Variants in TMEM245 observed in about 807,000 individuals in gnomAD.
TMEM245 encodes the protein protein CG-2.
In TMEM245, 69 loss-of-function variants were observed where a neutral mutation model predicts 101.2. That is an observed-to-expected ratio of 0.68 (90% CI 0.56 to 0.83). The LOEUF is 0.83. TMEM245 is among the 40% of genes least tolerant of loss of function. TMEM245 has a pLI of 0.00. For synonymous variants in TMEM245, 537 were observed against 449.8 expected (o/e 1.19, Z -2.45); for missense variants, 1,075 against 1,092.8 (o/e 0.98, Z 0.23).
In TMEM245 at chr9:109,081,012, G is replaced by A. The variant is rs1339825161; in HGVS notation, c.1345-69C>T. 6.0e-6 allele frequency: 6 copies of A among 1,005,176 alleles called. No individual in the cohort carries two copies. In the East Asian group the frequency reaches 9.7e-5, roughly 16 times the overall value. 62.3% of individuals were successfully genotyped at this position (1,005,176 alleles called of 1,614,324 possible). ...ACTTTAAAAATACATATACTCAATT[G>A]TCATAAAGACAAAACAGGATCTCCA... On this transcript the variant is annotated intron_variant, in intron 7 of 17. Transcript: ENST00000374586.
At chr9:109,043,799 T>A (rs1282898153) in intron 14 of TMEM245, among the ~76,000 whole-genome samples, 8 of 152,116 alleles carry the variant, frequency 5.3e-5, no homozygotes, top group Non-Finnish European at 2.9e-5. Context: ...ATACTATATA[T>A]AGACTATTAT....
intron 7 of TMEM245, among the ~76,000 whole-genome samples, chr9:109,082,735 T>G (rs1829703086): frequency 6.6e-6 from 1 of 152,124 alleles, no homozygotes; most frequent in Non-Finnish European, 1.5e-5. Context: ...TTGAGTATTT[T>G]TAACATATAA....
chr9:109,041,100 G>T (rs1564174941), intron 14 of TMEM245, among the ~76,000 whole-genome samples: 1 of 152,134 alleles, frequency 6.6e-6, no homozygotes, highest in Non-Finnish European at 1.5e-5. Flanking sequence ...TCTCCTCAAG[G>T]TATGAGGTTA....
chr9:109,102,625 T>C (rs1830307933), intron 3 of TMEM245, among the ~76,000 whole-genome samples: 1 of 152,248 alleles, frequency 6.6e-6, no homozygotes, highest in Non-Finnish European at 1.5e-5. Context: ...TTTTTGTGTT[T>C]TTAAAAGCCT....
In TMEM245 at chr9:109,077,680, C is replaced by A. The variant is rs942227357; in HGVS notation, c.1449+3159G>T. ...ATCCATATGAAAAGTCCTTAATTTG[C>A]CTCTAGCAATATTTCTTTTTGACAA... On this transcript the variant is annotated intron_variant, in intron 8 of 17. Coordinates refer to ENST00000374586, the MANE Select transcript of TMEM245 (RefSeq NM_032012.4). 3.9e-5 allele frequency among the ~76,000 whole-genome samples: 6 copies of A among 152,148 alleles called. No individual in the cohort carries two copies. The East Asian group carries it at 1.2e-3, about 29-fold the overall frequency.
At chr9:109,099,823 G>C (rs1157930061) in intron 3 of TMEM245, among the ~76,000 whole-genome samples, 1 of 152,132 alleles carries the variant, frequency 6.6e-6, no homozygotes, top group African/African-American at 2.4e-5. Context: ...GTATTAACAG[G>C]TGGGACCTTT....
intron 3 of TMEM245, among the ~76,000 whole-genome samples, chr9:109,094,362 T>C (rs965642005): frequency 6.6e-6 from 1 of 152,218 alleles, no homozygotes; most frequent in African/African-American, 2.4e-5. Flanking sequence ...TGGATTCCCC[T>C]GCAGCCGAGG....
chr9:109,099,107 A>G (rs73654223), intron 3 of TMEM245, among the ~76,000 whole-genome samples: 13 of 152,330 alleles, frequency 8.5e-5, no homozygotes, highest in African/African-American at 2.9e-4. Flanking sequence ...CGCATACCAA[A>G]TAACACCTCC....
intron 16 of TMEM245, among the ~76,000 whole-genome samples, chr9:109,035,730 G>A (rs1828097120): frequency 6.6e-6 from 1 of 151,884 alleles, no homozygotes; most frequent in Non-Finnish European, 1.5e-5. Flanking sequence ...TCACAATTTG[G>A]TTTTAACCCA....
In TMEM245 at chr9:109,095,702, T is replaced by C. The variant is rs187927382; in HGVS notation, c.800-2111A>G. Among the ~76,000 whole-genome samples, 642 of 152,316 alleles carry C rather than the reference T, an allele frequency of 4.2e-3. 3 individuals carry two copies. Among genetic ancestry groups the C allele is most frequent in the Middle Eastern group, 0.024 (7 of 294 alleles). ...AGATAAAAGTATACTCATATGCAGT[T>C]GCAAGAAATAATCCCAGTGTACCAC... On this transcript the variant is annotated intron_variant, in intron 3 of 17. Transcript: ENST00000374586.
In TMEM245 at chr9:109,080,407, C is replaced by T. The variant is rs183050158; in HGVS notation, c.1449+432G>A. ...ATGTAAGCTGGAAGGACCTGGAAAG[C>T]GAGAAATAAAGGTGCTATGGTATAT... is the stretch of plus-strand genomic sequence containing the variant. On this transcript the variant is annotated intron_variant, in intron 8 of 17. Transcript: ENST00000374586. Among the ~76,000 whole-genome samples, 5 of 151,646 alleles carry T rather than the reference C, an allele frequency of 3.3e-5. No homozygotes were observed. In the East Asian group the frequency reaches 7.7e-4, roughly 23 times the overall value.
At chr9:109,090,148 C>T (rs755640644) in intron 5 of TMEM245, among the ~76,000 whole-genome samples, 4 of 152,032 alleles carry the variant, frequency 2.6e-5, no homozygotes, top group Admixed American at 6.6e-5. Context: ...GTAGTCCCAG[C>T]AACTCAGGAG....
intron 8 of TMEM245, among the ~76,000 whole-genome samples, chr9:109,075,200 G>A (rs192944194): frequency 1.8e-4 from 27 of 152,230 alleles, no homozygotes; most frequent in African/African-American, 1.7e-4. Flanking sequence ...GATGTTAAAC[G>A]GGTTTTACAT....
At position 109,093,744 on chromosome 9, in the gene TMEM245, G is replaced by A. The variant is rs151014764; in HGVS notation, c.800-153C>T. On this transcript the variant is annotated intron_variant, in intron 3 of 17. Coordinates refer to ENST00000374586, the MANE Select transcript of TMEM245 (RefSeq NM_032012.4). ...TTCTTCACCAAGGAAGAACCATTAAGAATTGACATGAAAGTGTGCTAAAAA... is the reference window on the plus strand; with the variant it reads ...TTCTTCACCAAGGAAGAACCATTAAAAATTGACATGAAAGTGTGCTAAAAA... Among the ~76,000 whole-genome samples the A allele has an allele frequency of 2.0e-3, 298 of 152,282 alleles. 3 individuals carry two copies. The highest frequency in any genetic ancestry group is 6.6e-3 in the African/African-American group (273 of 41,562).
intron 2 of TMEM245, among the ~76,000 whole-genome samples, chr9:109,107,391 T>C (rs1830456971): frequency 7.1e-6 from 1 of 140,574 alleles, no homozygotes; most frequent in African/African-American, 2.7e-5. Flanking sequence ...GGAGTGAGAC[T>C]CTGTCTCAAA....
chr9:109,068,641 CA>C (rs1355837164), intron 9 of TMEM245, among the ~76,000 whole-genome samples: 8 of 151,866 alleles, frequency 5.3e-5, no homozygotes, highest in African/African-American at 1.9e-4. Flanking sequence ...TGTGTCAAAA[CA>C]AAAACAAAAA....
intron 14 of TMEM245, chr9:109,038,507 T>C (rs1298707984): frequency 3.1e-4 from 51 of 163,586 alleles, no homozygotes; most frequent in Non-Finnish European, 6.6e-5. Flanking sequence ...GAATACAGTT[T>C]AAACTCTAAG....
intron 15 of TMEM245, among the ~76,000 whole-genome samples, chr9:109,037,412 G>C (rs1828163632): frequency 6.6e-6 from 1 of 152,230 alleles, no homozygotes; most frequent in Admixed American, 6.5e-5. Flanking sequence ...GTTTGGATCT[G>C]TGTCCCCACC....
At chr9:109,117,953 G>C (rs1393215354) in intron 1 of TMEM245, among the ~76,000 whole-genome samples, 1 of 152,200 alleles carries the variant, frequency 6.6e-6, no homozygotes, top group Non-Finnish European at 1.5e-5. Context: ...GATAAAGAGC[G>C]CTGAACTGGG....
Sources: gnomAD v4.1 joint callset for allele counts (sites outside exome capture counted in the v4.1 genomes callset) on GRCh38, gnomAD v4.1.1 for gene constraint, MANE v1.5 for transcripts, NCBI Gene and HGNC (gene_info 2026-07-23, HGNC 2026-07-21) for gene names.